Variants in SQSTM1 observed in about 807,000 individuals in gnomAD.
The protein encoded by SQSTM1 is sequestosome 1.
In SQSTM1, 36 loss-of-function variants were observed where a neutral mutation model predicts 45.1. That is an observed-to-expected ratio of 0.80 (90% CI 0.61 to 1.05). The LOEUF (loss-of-function observed/expected upper bound fraction) is 1.05. SQSTM1 is among the 50% of genes least tolerant of loss of function. The pLI, the probability that SQSTM1 is intolerant of heterozygous loss-of-function variation, is 0.00. For synonymous variants in SQSTM1, 290 were observed against 244.3 expected, an observed-to-expected ratio of 1.19 and a Z score of -1.74; for missense variants, 617 against 607.1, an observed-to-expected ratio of 1.02 and a Z score of -0.17.
In SQSTM1 at chr5:179,837,319, TTTA is replaced by T. The variant is rs1451613140; in HGVS notation, c.*727_*729del. 2.5e-6 allele frequency: 4 copies of T among 1,593,984 alleles called. No homozygotes were observed. The highest frequency in any genetic ancestry group is 3.4e-6 in the Non-Finnish European group (4 of 1,170,000). On this transcript the variant is annotated 3_prime_UTR_variant, in exon 8 of 8. Coordinates refer to ENST00000389805, the MANE Select transcript of SQSTM1 (RefSeq NM_003900.5). ...TTGTTAATGGTTCTTACAGAGTATC[TTTA>T]AAAGTGCCTTAGGGGAACCCTGTCC...
upstream of SQSTM1, among the ~76,000 whole-genome samples, chr5:179,817,071 ACGGTTGGGCCGGAGC>A (rs1476849686): frequency 6.7e-6 from 1 of 149,720 alleles, no homozygotes; most frequent in African/African-American, 2.4e-5. Context: ...GCGGGCGTGC[ACGGTTGGGCCGGAGC>A]CGCGCCGGGG....
At chr5:179,826,206 G>A (rs893763091) in intron 5 of SQSTM1, among the ~76,000 whole-genome samples, 31 of 150,684 alleles carry the variant, frequency 2.1e-4, no homozygotes, top group African/African-American at 6.6e-4. Context: ...GCTCTGTCAC[G>A]GAGGCTGGAG....
At chr5:179,822,823 C>T (rs1336773442) in intron 1 of SQSTM1, 135 bp from the exon 2 acceptor site, 1 of 777,536 alleles carries the variant, frequency 1.3e-6, no homozygotes, top group Non-Finnish European at 2.3e-6. Flanking sequence ...TCACTCCTGC[C>T]CTCTGTGGCT....
rs1758584898 is a variant in SQSTM1 at position 179,836,824 on chromosome 5, G to T, written c.*231G>T. On this transcript the variant is annotated 3_prime_UTR_variant, in exon 8 of 8. Coordinates refer to ENST00000389805, the MANE Select transcript of SQSTM1 (RefSeq NM_003900.5). ...CCCTGGCTCCTTGCAGCAGGGCTGG[G>T]CCTGCGAGACCCAAGGCTCACTGCA... 2 of 695,204 alleles carry T rather than the reference G, an allele frequency of 2.9e-6. No homozygotes were observed. The highest frequency in any genetic ancestry group is 1.7e-5 in the South Asian group (1 of 57,572). The allele number at this position is 695,204 out of a possible 1,614,324, so 43.1% of individuals were successfully genotyped here. A position where few individuals can be genotyped will look rare whatever the true frequency, so the allele number is the denominator to read the frequency against.
At chr5:179,825,696 C>T (rs187359059) in intron 5 of SQSTM1, among the ~76,000 whole-genome samples, 31 of 152,132 alleles carry the variant, frequency 2.0e-4, no homozygotes, top group Non-Finnish European at 1.5e-4. Context: ...TGCCTCAGAG[C>T]GGGGAGAAGG....
At position 179,837,688 on chromosome 5, in the gene SQSTM1, C is replaced by T. The variant is rs1174860661; in HGVS notation, c.*1095C>T. ...GGTCCCTCTGAAGAGACCTTGGCTG[C>T]TCACTGTCCACATGTGAACTTTTTC... On this transcript the variant is annotated 3_prime_UTR_variant, in exon 8 of 8. Transcript: ENST00000389805. 6.2e-7 allele frequency: 1 copy of T among 1,614,258 alleles called. No homozygotes were observed. Among genetic ancestry groups the T allele is most frequent in the Non-Finnish European group, 8.5e-7 (1 of 1,180,048 alleles).
At chr5:179,807,565 G>A (rs1757230827) in intron 1 of SQSTM1, 1 of 152,468 alleles carries the variant, frequency 6.6e-6, no homozygotes, top group African/African-American at 2.4e-5. Context: ...CGGTGGTGTA[G>A]GGGCCACCTC....
chr5:179,833,845 T>C, intron 7 of SQSTM1, 63 bp downstream of exon 7: 1 of 1,561,342 alleles, frequency 6.4e-7, no homozygotes, highest in Non-Finnish European at 8.8e-7. Flanking sequence ...CCTGCCCTCC[T>C]CTGATTTCAG....
At chr5:179,822,795 AG>A (rs1757831764) in intron 1 of SQSTM1, 162 bp from the exon 2 acceptor site, 1 of 701,242 alleles carries the variant, frequency 1.4e-6, no homozygotes, top group Non-Finnish European at 2.6e-6. Context: ...TGCCAGAGCA[AG>A]GGGGTAGTCT....
chr5:179,836,901 G>A lies in SQSTM1; in HGVS notation c.*308G>A. On this transcript the variant is annotated 3_prime_UTR_variant, in exon 8 of 8. Transcript: ENST00000389805. Reference sequence around the variant, plus strand: ...GGCTACGTTAGCAGCCCAGCACATAGCTTGCCTAATGGCTTTCACTTTCTC... The same window carrying A: ...GGCTACGTTAGCAGCCCAGCACATAACTTGCCTAATGGCTTTCACTTTCTC... 5 of 608,898 alleles carry A rather than the reference G, an allele frequency of 8.2e-6. No homozygotes were observed. The highest frequency in any genetic ancestry group is 4.3e-4 in the Middle Eastern group (1 of 2,306). The allele number at this position is 608,898 out of a possible 1,614,324, so 37.7% of individuals were successfully genotyped here.
rs765610848 is a variant in SQSTM1, at chr5:179,833,671, G to T, written c.1054G>T (p.Glu352Ter). 4 of 1,614,178 alleles carry T rather than the reference G, an allele frequency of 2.5e-6. No homozygotes were observed. The highest frequency in any genetic ancestry group is 3.4e-6 in the Non-Finnish European group (4 of 1,180,026). The change falls in exon 7 of 8, where the codon GAA (glutamate) becomes TAA (stop). Residue 352 changes from glutamate (E) to a stop codon, truncating the protein, a stop_gained. Coordinates refer to ENST00000389805, the MANE Select transcript of SQSTM1 (RefSeq NM_003900.5). LOFTEE classifies it high-confidence loss of function. The part of the protein sequence containing the change: ...SSKEVDPSTG[E>*]LQSLQMPESE... ...AAAAGAAGTGGACCCGTCTACAGGTGAACTCCAGTCCCTACAGATGCCAGA... is the reference window on the plus strand; with the variant it reads ...AAAAGAAGTGGACCCGTCTACAGGTTAACTCCAGTCCCTACAGATGCCAGA...
At chr5:179,810,597 G>C (rs1202879749) in intron 1 of SQSTM1, among the ~76,000 whole-genome samples, 3 of 152,164 alleles carry the variant, frequency 2.0e-5, no homozygotes, top group African/African-American at 7.2e-5. Context: ...TGTCTTTATA[G>C]CAGCATGATT....
At chr5:179,834,517 A>T (rs248239) in intron 7 of SQSTM1, among the ~76,000 whole-genome samples, 9,471 of 151,180 alleles carry the variant, frequency 0.063, 339 homozygotes, top group Middle Eastern at 0.13. Flanking sequence ...CAGATAAACA[A>T]GTGAACAAAG....
At chr5:179,821,275 G>A (rs906389240) in intron 1 of SQSTM1, 134 bp downstream of exon 1, 2 of 936,408 alleles carry the variant, frequency 2.1e-6, no homozygotes, top group South Asian at 1.9e-5. Flanking sequence ...CTCCCTGGAT[G>A]GCGGTGGCCT....
chr5:179,833,631 G>A lies in SQSTM1; in HGVS notation c.1014G>A (p.Trp338Ter), dbSNP rs1582022288. 1 of 1,614,098 alleles carries A rather than the reference G, an allele frequency of 6.2e-7. No individual in the cohort carries two copies. Among genetic ancestry groups the A allele is most frequent in the South Asian group, 1.1e-5 (1 of 91,076 alleles). Residue 338 changes from tryptophan (W) to a stop codon, truncating the protein, a stop_gained, in exon 7 of 8, where the codon TGG becomes TGA. Coordinates refer to ENST00000389805, the MANE Select transcript of SQSTM1 (RefSeq NM_003900.5). LOFTEE classifies it high-confidence loss of function. ...SDNCSGGDDDWTHLSSKEVDP... is the reference protein window; with the variant it reads ...SDNCSGGDDD Reference sequence around the variant, plus strand: ...ACTGTTCAGGAGGAGATGATGACTGGACCCATCTGTCTTCAAAAGAAGTGG... The same window carrying A: ...ACTGTTCAGGAGGAGATGATGACTGAACCCATCTGTCTTCAAAAGAAGTGG...
At position 179,833,802 on chromosome 5, in the gene SQSTM1, T is replaced by G. The variant is rs1375051069; in HGVS notation, c.1165+20T>G. The G allele has an allele frequency of 6.2e-7, 1 of 1,613,420 alleles. No individual in the cohort carries two copies. The highest frequency in any genetic ancestry group is 2.2e-5 in the East Asian group (1 of 44,860). On this transcript the variant is annotated intron_variant, in intron 7 of 7. Transcript: ENST00000389805. Reference sequence around the variant, plus strand: ...CGCCAGGCAAGTGAACCAAGAGGTTTTGTACATATTCCTACCTTTCCCTTT... The same window carrying G: ...CGCCAGGCAAGTGAACCAAGAGGTTGTGTACATATTCCTACCTTTCCCTTT...
chr5:179,823,442 CGACAAA>C (rs1757859934), intron 2 of SQSTM1: 2 of 79,662 alleles, frequency 2.5e-5, no homozygotes, highest in African/African-American at 1.3e-4. Context: ...CCAGCCTAGG[CGACAAA>C]AAAAAAAAAA....
At position 179,811,125 on chromosome 5, in the gene SQSTM1, C is replaced by G. The variant is rs181862460; in HGVS notation, c.-156-449C>G. Among the ~76,000 whole-genome samples, 60 of 151,854 alleles carry G rather than the reference C, an allele frequency of 4.0e-4. 1 individual carries two copies. The East Asian group carries it at 0.011, about 28-fold the overall frequency. On this transcript the variant is annotated intron_variant, in intron 1 of 5. Transcript: ENST00000514093. ...GCGGGCACCTGTAGTCCCAGCTACT[C>G]GGGAGGCTGAGGCAGGAGAATAGCT... is the stretch of plus-strand genomic sequence containing the variant.
At position 179,806,596 on chromosome 5, in the gene SQSTM1, G is replaced by T; in HGVS notation, c.-157+5G>T. ...TGCGGAGCCTCATCTCCTCGGGTGC[G>T]CGGCGGGCGCCCGCGGGGCCGAGGC... On this transcript the variant is annotated splice_donor_5th_base_variant and intron_variant, in intron 1 of 5. Coordinates refer to the SQSTM1 transcript ENST00000514093. This position sits in a 1 kb window ranked among gnomAD's most constrained non-coding sequence, Gnocchi z 4.6. 1 of 1,235,432 alleles carries T rather than the reference G, an allele frequency of 8.1e-7. No homozygotes were observed. The highest frequency in any genetic ancestry group is 2.3e-4 in the Middle Eastern group (1 of 4,410). The allele number at this position is 1,235,432 out of a possible 1,614,324, so 76.5% of individuals were successfully genotyped here.
Sources: allele counts gnomAD v4.1 joint callset (sites outside exome capture counted in the v4.1 genomes callset), GRCh38; gene constraint gnomAD v4.1.1; non-coding constraint Gnocchi (gnomAD v3.1); transcripts MANE v1.5; gene names NCBI Gene and HGNC (gene_info 2026-07-23, HGNC 2026-07-21).